DNAH2: variants seen among roughly 807,000 people sequenced by gnomAD.
DNAH2 encodes the protein axonemal beta dynein heavy chain 2.
Under a neutral mutation model 523.5 loss-of-function variants are expected in DNAH2, and 323 were observed. The observed-to-expected ratio is 0.62, with a 90% CI of 0.56 to 0.68. The LOEUF (loss-of-function observed/expected upper bound fraction) is 0.68, where lower values mean the gene tolerates loss of function less well. Ranked by LOEUF, DNAH2 falls within the 30% of genes least tolerant of loss-of-function variation. DNAH2 has a pLI of 0.00. For missense variants in DNAH2, 4,907 were observed against 5,701.5 expected, an observed-to-expected ratio of 0.86 and a Z score of 4.49; for synonymous variants, 2,093 against 2,177.4, an observed-to-expected ratio of 0.96 and a Z score of 1.08.
chr17:7,788,318 G>C (rs536976145), intron 44 of DNAH2, 74 bp downstream of exon 44: 3 of 1,468,650 alleles, frequency 2.0e-6, no homozygotes, highest in African/African-American at 1.4e-5. Context: ...TCTGGGAAAC[G>C]GCGTGTCTGA....
chr17:7,778,404 G>T lies in DNAH2; in HGVS notation c.5476G>T (p.Val1826Leu). The T allele has an allele frequency of 6.2e-7, 1 of 1,614,216 alleles. No individual in the cohort carries two copies. Among genetic ancestry groups the T allele is most frequent in the South Asian group, 1.1e-5 (1 of 91,082 alleles). ...CAAGGCCCTGGGCATATATGTCATT[G>T]TGGTCAACTGCTCTGAGGGCCTGGA... ...LGKALGIYVIVVNCSEGLDYK... is the reference protein window; with the variant it reads ...LGKALGIYVILVNCSEGLDYK... The change falls in exon 35 of 86, where the codon GTG (valine) becomes TTG (leucine). Residue 1826 changes from valine (V) to leucine (L), a missense_variant. Physicochemically the swap from Val to Leu is conservative, Grantham distance 32. Coordinates refer to ENST00000572933, the MANE Select transcript of DNAH2 (RefSeq NM_020877.5).
At chr17:7,725,664 G>T (rs1277106445) in intron 3 of DNAH2, among the ~76,000 whole-genome samples, 1 of 150,762 alleles carries the variant, frequency 6.6e-6, no homozygotes, top group African/African-American at 2.4e-5. Flanking sequence ...TTGAACTCCT[G>T]ACCCTGTGAT....
chr17:7,734,104 C>T (rs567783176), intron 5 of DNAH2, 79 bp from the exon 6 acceptor site: 34 of 1,257,620 alleles, frequency 2.7e-5, no homozygotes, highest in South Asian at 9.9e-5. Flanking sequence ...GGTCCCCTAC[C>T]GATCATCAAC....
chr17:7,833,245 C>A lies in DNAH2; in HGVS notation c.13129+24C>A, dbSNP rs764864788. 16 of 1,606,296 alleles carry A rather than the reference C, an allele frequency of 1.0e-5. No individual in the cohort carries two copies. The African/African-American group carries it at 2.0e-4, about 20-fold the overall frequency. ...GGGTGGGACAGCTCCCCAGGCAGGA[C>A]CTGCCTGCCCCGTCCCTAGTTTGGA... On this transcript the variant is annotated intron_variant, in intron 85 of 85. Transcript: ENST00000572933.
chr17:7,771,278 G>A (rs547442518), intron 27 of DNAH2, 52 bp from the exon 28 acceptor site: 29 of 1,610,648 alleles, frequency 1.8e-5, no homozygotes, highest in Non-Finnish European at 2.5e-5. Context: ...GGGAGCAGAG[G>A]GTGGAGAGTG....
intron 24 of DNAH2, among the ~76,000 whole-genome samples, chr17:7,768,729 C>A (rs11656201): frequency 0.54 from 82,508 of 151,938 alleles, 24,602 homozygotes; most frequent in Non-Finnish European, 0.69. Context: ...GTAACCAGCA[C>A]TCGACTCTGC....
Position 7,793,101 on chromosome 17 carries a change from G to T in DNAH2, c.7465G>T (p.Ala2489Ser), listed in dbSNP as rs538779683. The change falls in exon 48 of 86, where the codon GCT becomes TCT. Residue 2489 changes from alanine to serine, a missense_variant. By Grantham distance (99) the Ala-to-Ser change is moderately conservative. Coordinates refer to ENST00000572933, the MANE Select transcript of DNAH2 (RefSeq NM_020877.5). The stretch of plus-strand genomic sequence containing the variant: ...CTTTATGGATGACCTAAATATGCCC[G>T]CTAAGGACATGTTTGGGTCCCAGCC... ...ITFMDDLNMP[A>S]KDMFGSQPPL... is the part of the protein sequence containing the mutation. The T allele has an allele frequency of 1.9e-6, 3 of 1,614,068 alleles. No homozygotes were observed. The highest frequency in any genetic ancestry group is 2.7e-5 in the African/African-American group (2 of 74,918).
At chr17:7,758,863 C>T (rs748627011) in intron 14 of DNAH2, 22 bp from the exon 15 acceptor site, 1 of 1,611,412 alleles carries the variant, frequency 6.2e-7, no homozygotes, top group African/African-American at 1.3e-5. Context: ...TGAAACTCCC[C>T]CATGACGGGG....
chr17:7,796,012 G>GTA (rs749563114), intron 49 of DNAH2, among the ~76,000 whole-genome samples: 3 of 144,400 alleles, frequency 2.1e-5, no homozygotes, highest in Non-Finnish European at 4.5e-5. Flanking sequence ...TTATATAATA[G>GTA]TATTTGTCAG....
chr17:7,831,422 G>T lies in DNAH2; in HGVS notation c.12492G>T (p.Lys4164Asn), dbSNP rs769508548. 2.5e-6 allele frequency: 4 copies of T among 1,614,184 alleles called. No homozygotes were observed. The East Asian group carries it at 8.9e-5, about 36-fold the overall frequency. ...VLELAADVKQ[K>N]IPEMIDYEGT... is the part of the protein sequence containing the mutation. The stretch of plus-strand genomic sequence containing the variant: ...AGTTGGCCGCTGATGTGAAGCAGAA[G>T]ATCCCTGAAATGATCGACTATGAGG... The change falls in exon 81 of 86, where the codon AAG becomes AAT. Residue 4164 changes from lysine (K) to asparagine (N), a missense_variant. By Grantham distance (94) the Lys-to-Asn change is moderately conservative (BLOSUM62 0). This residue lies in a region of DNAH2 where 1,851 missense variants were observed against 2,139.4 expected (regional missense o/e 0.87). Transcript: ENST00000572933. The surrounding 1 kb of genome is among the most constrained non-coding windows in gnomAD (Gnocchi z 4.2).
chr17:7,796,333 G>T, intron 49 of DNAH2, 131 bp from the exon 50 acceptor site: 1 of 988,646 alleles, frequency 1.0e-6, no homozygotes, highest in Non-Finnish European at 1.4e-6. Flanking sequence ...ACAGGCATGA[G>T]CCACCGTGCC....
intron 3 of DNAH2, among the ~76,000 whole-genome samples, chr17:7,725,496 G>C (rs185997853): frequency 0.021 from 3,040 of 147,810 alleles, 89 homozygotes; most frequent in African/African-American, 0.067. Context: ...GCAGTGGCGC[G>C]ATCTCAGCTC....
chr17:7,825,747 C>G (rs2078000940), intron 77 of DNAH2, among the ~76,000 whole-genome samples: 1 of 152,232 alleles, frequency 6.6e-6, no homozygotes, highest in Admixed American at 6.5e-5. Context: ...AATCCCATCT[C>G]TGGCATCAGC....
intron 20 of DNAH2, among the ~76,000 whole-genome samples, chr17:7,765,137 T>C (rs2076126735): frequency 6.6e-6 from 1 of 152,176 alleles, no homozygotes; most frequent in Non-Finnish European, 1.5e-5. Context: ...GTCCCCAGAC[T>C]CTGGTCTGGA....
rs755192167 is a variant in DNAH2 at position 7,787,839 on chromosome 17, C to G, written c.6604-21C>G. Reference sequence around the variant, plus strand: ...GGGGGATGCAGAGAAAGATGAAGTTCTGACAAACGTATATCCTTAGGTGTC... The same window carrying G: ...GGGGGATGCAGAGAAAGATGAAGTTGTGACAAACGTATATCCTTAGGTGTC... On this transcript the variant is annotated intron_variant, in intron 42 of 85. Coordinates refer to ENST00000572933, the MANE Select transcript of DNAH2 (RefSeq NM_020877.5). The G allele has an allele frequency of 6.3e-6, 10 of 1,585,298 alleles. No homozygotes were observed. In the South Asian group the frequency reaches 1.0e-4, roughly 16 times the overall value.
chr17:7,815,335 C>G lies in DNAH2; in HGVS notation c.9730-1236C>G, dbSNP rs565074907. ...CTTTCTAGTAGTGGAACTATTTCCACGATGTGGGCTGCCTTTCCCAGTGAG... is the reference window on the plus strand; with the variant it reads ...CTTTCTAGTAGTGGAACTATTTCCAGGATGTGGGCTGCCTTTCCCAGTGAG... On this transcript the variant is annotated intron_variant, in intron 63 of 85. Transcript: ENST00000572933. Among the ~76,000 whole-genome samples, 3 of 152,362 alleles carry G rather than the reference C, an allele frequency of 2.0e-5. No homozygotes were observed. In the South Asian group the frequency reaches 6.2e-4, roughly 32 times the overall value.
Position 7,817,728 on chromosome 17 carries a change from G to A in DNAH2, c.10169+19G>A, listed in dbSNP as rs367864854. 4.9e-5 allele frequency: 79 copies of A among 1,614,026 alleles called. 1 individual carries two copies. Among genetic ancestry groups the A allele is most frequent in the Non-Finnish European group, 5.3e-5 (62 of 1,180,026 alleles). On this transcript the variant is annotated intron_variant, in intron 66 of 85. Transcript: ENST00000572933. ...GCAACAGGTGAGGGTGCTGCTGGGC[G>A]TGGGGGCGGTACGGGAGCATGGGAG...
rs770785273 is a variant in DNAH2, at chr17:7,770,288, G to T, written c.3978G>T (p.Glu1326Asp). The T allele has an allele frequency of 1.7e-5, 27 of 1,613,416 alleles. No homozygotes were observed. The highest frequency in any genetic ancestry group is 4.0e-5 in the African/African-American group (3 of 74,922). ...WDQVRDEIQR[E>D]FDQESESFTL... ...AGGTCCGGGATGAGATCCAGCGGGAGTTTGATCAGGAATCTGAAAGCTTCA... is the reference window on the plus strand; with the variant it reads ...AGGTCCGGGATGAGATCCAGCGGGATTTTGATCAGGAATCTGAAAGCTTCA... Residue 1326 changes from glutamate (E) to aspartate (D), a missense_variant, in exon 25 of 86, where the codon GAG (glutamate) becomes GAT (aspartate). Transcript: ENST00000572933.
chr17:7,828,167 C>A lies in DNAH2; in HGVS notation c.11854-2133C>A, dbSNP rs907703206. ...CTCCTGGACTTAAGCTGTCCTCCCA[C>A]TTCAGCCTCCCAAACTGCTGGGATT... On this transcript the variant is annotated intron_variant, in intron 77 of 85. Transcript: ENST00000572933. The surrounding 1 kb of genome is among the most constrained non-coding windows in gnomAD (Gnocchi z 4.1). Among the ~76,000 whole-genome samples, 4 of 152,122 alleles carry A rather than the reference C, an allele frequency of 2.6e-5. No individual in the cohort carries two copies. Among genetic ancestry groups the A allele is most frequent in the African/African-American group, 7.3e-5 (3 of 41,366 alleles).
Sources: gnomAD v4.1 joint callset for allele counts (sites outside exome capture counted in the v4.1 genomes callset) on GRCh38, gnomAD v4.1.1 for gene constraint, gnomAD v4.1.1 regional missense constraint, Gnocchi (gnomAD v3.1) non-coding constraint, MANE v1.5 for transcripts, NCBI Gene and HGNC (gene_info 2026-07-23, HGNC 2026-07-21) for gene names.